Variants in PPP2R2C observed in about 807,000 individuals in gnomAD.
PPP2R2C encodes the protein protein phosphatase 2 regulatory subunit Bgamma.
A neutral mutation model predicts 45.3 loss-of-function variants in PPP2R2C; 10 were observed. The observed-to-expected ratio is 0.22, with a 90% CI of 0.14 to 0.37. The LOEUF is 0.37. Among genes scored for constraint, PPP2R2C ranks in the 10% least tolerant of loss-of-function variants. The probability of loss-of-function intolerance (pLI) is 1.00; values close to 1 mark genes in which losing one functional copy is unlikely to be tolerated. For missense variants in PPP2R2C, 308 were observed against 619.7 expected (o/e 0.50, Z 5.34); for synonymous variants, 257 against 245.4 (o/e 1.05, Z -0.44).
At chr4:6,507,511 A>T (rs75491619) in intron 2 of PPP2R2C, among the ~76,000 whole-genome samples, 5,301 of 152,316 alleles carry the variant, frequency 0.035, 356 homozygotes, top group East Asian at 0.32. Flanking sequence ...TAGACTCTCT[A>T]TGTGTGGAGT....
chr4:6,446,417 GC>G (rs1720421890), intron 1 of PPP2R2C, among the ~76,000 whole-genome samples: 1 of 152,100 alleles, frequency 6.6e-6, no homozygotes, highest in Non-Finnish European at 1.5e-5. Flanking sequence ...GCCAGGAGGG[GC>G]AGCCAGGCCA....
intron 5 of PPP2R2C, among the ~76,000 whole-genome samples, chr4:6,362,955 G>C (rs1317975474): frequency 6.6e-6 from 1 of 152,162 alleles, no homozygotes; most frequent in Non-Finnish European, 1.5e-5. Context: ...TGTAAAAGGG[G>C]GATATTAATA....
intron 1 of PPP2R2C, among the ~76,000 whole-genome samples, chr4:6,467,253 C>T (rs1176556414): frequency 1.3e-5 from 2 of 152,160 alleles, no homozygotes; most frequent in Non-Finnish European, 2.9e-5. Context: ...CCACTAATGT[C>T]CCCCCTCTTA....
chr4:6,512,310 G>A (rs1382452337), intron 2 of PPP2R2C, among the ~76,000 whole-genome samples: 1 of 134,338 alleles, frequency 7.4e-6, no homozygotes. Flanking sequence ...TGGTGGTGGT[G>A]GTGATTATGG....
At chr4:6,504,435 A>G (rs1723155772) in intron 2 of PPP2R2C, among the ~76,000 whole-genome samples, 1 of 152,188 alleles carries the variant, frequency 6.6e-6, no homozygotes, top group South Asian at 2.1e-4. Context: ...TAATTGATGT[A>G]AGAATAAATA....
chr4:6,496,899 A>AAATAAAGT (rs1553904306), intron 2 of PPP2R2C, among the ~76,000 whole-genome samples: 1 of 151,668 alleles, frequency 6.6e-6, no homozygotes, highest in African/African-American at 2.4e-5. Context: ...ATAAATAAAT[A>AAATAAAGT]AAGTCTGTGA....
chr4:6,462,660 T>C lies in PPP2R2C; in HGVS notation c.70+9500A>G, dbSNP rs1721387713. Among the ~76,000 whole-genome samples, 6 of 152,244 alleles carry C rather than the reference T, an allele frequency of 3.9e-5. No homozygotes were observed. The South Asian group carries it at 1.2e-3, about 32-fold the overall frequency. On this transcript the variant is annotated intron_variant, in intron 1 of 8. Coordinates refer to ENST00000382599, the MANE Select transcript of PPP2R2C (RefSeq NM_020416.4). ...GACATTTCTCAGACAACTGGGGACG[T>C]TCATAAAATGGACCAGAATTTAGGT...
chr4:6,347,789 T>TTGCC, intron 6 of PPP2R2C, 57 bp downstream of exon 6: 1 of 1,033,614 alleles, frequency 9.7e-7, no homozygotes, highest in Non-Finnish European at 1.4e-6. Flanking sequence ...GGACAGGACA[T>TTGCC]CCCACCCGCC....
intron 1 of PPP2R2C, among the ~76,000 whole-genome samples, chr4:6,411,687 G>GGT (rs1191223655): frequency 6.6e-6 from 1 of 151,952 alleles, no homozygotes; most frequent in Non-Finnish European, 1.5e-5. Flanking sequence ...TGAGTAGCTG[G>GGT]GACTACAGGC....
chr4:6,462,147 GCAA>G (rs1181863805), intron 1 of PPP2R2C, among the ~76,000 whole-genome samples: 2 of 152,240 alleles, frequency 1.3e-5, no homozygotes, highest in South Asian at 2.1e-4. Flanking sequence ...CCAGGTCCCA[GCAA>G]CCACCTCTCA....
At chr4:6,359,782 GC>G (rs530241175) in intron 5 of PPP2R2C, among the ~76,000 whole-genome samples, 188 of 152,220 alleles carry the variant, frequency 1.2e-3, no homozygotes, top group African/African-American at 4.2e-3. Context: ...GCACCAGTCT[GC>G]CCCCCGGTCG....
At chr4:6,524,141 C>T (rs985849201) in intron 2 of PPP2R2C, among the ~76,000 whole-genome samples, 1 of 151,888 alleles carries the variant, frequency 6.6e-6, no homozygotes, top group Non-Finnish European at 1.5e-5. Context: ...TGGCTGGTCT[C>T]GAACTCCTGA....
intron 2 of PPP2R2C, among the ~76,000 whole-genome samples, chr4:6,531,118 G>A (rs564900558): frequency 6.6e-6 from 1 of 152,340 alleles, no homozygotes; most frequent in South Asian, 2.1e-4. Context: ...AGGCAGCAAG[G>A]GCGGGTGGGG....
chr4:6,326,837 C>T (rs1731984085), intron 8 of PPP2R2C, among the ~76,000 whole-genome samples: 1 of 152,222 alleles, frequency 6.6e-6, no homozygotes, highest in South Asian at 2.1e-4. Context: ...GGCCATCGGG[C>T]AGCCACCACG....
At chr4:6,369,518 G>C (rs1714625773) in intron 5 of PPP2R2C, among the ~76,000 whole-genome samples, 1 of 152,230 alleles carries the variant, frequency 6.6e-6, no homozygotes, top group Admixed American at 6.5e-5. Flanking sequence ...AAAGTAAAGG[G>C]AAGCACACGT....
chr4:6,490,540 AG>A (rs1428791300), intron 2 of PPP2R2C, among the ~76,000 whole-genome samples: 18 of 152,252 alleles, frequency 1.2e-4, no homozygotes, highest in African/African-American at 4.1e-4. Flanking sequence ...TGAGGGCTCC[AG>A]GAAGCCACAG....
At chr4:6,551,600 C>A (rs1054477673) in intron 1 of PPP2R2C, among the ~76,000 whole-genome samples, 20 of 152,242 alleles carry the variant, frequency 1.3e-4, no homozygotes, top group African/African-American at 4.3e-4. Context: ...GGCCACACAA[C>A]TGCCATCTTG....
intron 1 of PPP2R2C, among the ~76,000 whole-genome samples, chr4:6,392,936 T>A (rs914539563): frequency 6.6e-6 from 1 of 152,184 alleles, no homozygotes; most frequent in Non-Finnish European, 1.5e-5. Flanking sequence ...AAGCTCTCCA[T>A]CCCACCCCTC....
intron 2 of PPP2R2C, among the ~76,000 whole-genome samples, chr4:6,379,809 A>C (rs1466510848): frequency 1.3e-5 from 2 of 152,124 alleles, no homozygotes; most frequent in African/African-American, 4.8e-5. Flanking sequence ...GCACTGCACT[A>C]CACCCACAGG....
Sources: allele counts gnomAD v4.1 joint callset (sites outside exome capture counted in the v4.1 genomes callset), GRCh38; gene constraint gnomAD v4.1.1; transcripts MANE v1.5; gene names NCBI Gene and HGNC (gene_info 2026-07-23, HGNC 2026-07-21).